The following SPOCK3 variants were observed in gnomAD, a reference collection of about 807,000 sequenced individuals.
SPOCK3 encodes the protein SPARC (osteonectin), cwcv and kazal like domains proteoglycan 3.
SPOCK3 carries 30 observed loss-of-function variants against 56.6 expected under a neutral mutation model. That is an observed-to-expected ratio of 0.53 (90% CI 0.40 to 0.72). SPOCK3 has a LOEUF of 0.72. Among genes scored for constraint, SPOCK3 ranks in the 30% least tolerant of loss-of-function variants. The pLI is 0.00. For missense variants in SPOCK3, 527 were observed against 530.0 expected, an observed-to-expected ratio of 0.99 and a Z score of 0.06; for synonymous variants, 196 against 183.3, an observed-to-expected ratio of 1.07 and a Z score of -0.56.
At chr4:166,964,672 C>T (rs572037231) in intron 4 of SPOCK3, among the ~76,000 whole-genome samples, 8 of 151,370 alleles carry the variant, frequency 5.3e-5, no homozygotes, top group African/African-American at 1.5e-4. Flanking sequence ...AGGGAAGGCA[C>T]GCAAATCTAC....
At chr4:167,050,971 T>C (rs545227289) in intron 3 of SPOCK3, among the ~76,000 whole-genome samples, 4 of 152,248 alleles carry the variant, frequency 2.6e-5, no homozygotes, top group Admixed American at 2.0e-4. Flanking sequence ...TAGTCATTAA[T>C]GGGAAGATGA....
chr4:166,742,738 T>A (rs1034684248), intron 8 of SPOCK3, among the ~76,000 whole-genome samples: 3 of 152,160 alleles, frequency 2.0e-5, no homozygotes, highest in African/African-American at 7.2e-5. Flanking sequence ...GCTGAAAACA[T>A]TTAAACCGAT....
chr4:166,984,155 A>C (rs1746885892), intron 4 of SPOCK3, among the ~76,000 whole-genome samples: 1 of 152,070 alleles, frequency 6.6e-6, no homozygotes, highest in Non-Finnish European at 1.5e-5. Context: ...TACTTCTTAT[A>C]AATTTAACAC....
chr4:166,998,593 C>T (rs557541317), intron 4 of SPOCK3, among the ~76,000 whole-genome samples: 3 of 152,238 alleles, frequency 2.0e-5, no homozygotes, highest in East Asian at 3.9e-4. Flanking sequence ...CAGTGTCCAG[C>T]AGGTGTCAAA....
At chr4:166,746,261 T>C (rs1735600126) in intron 8 of SPOCK3, among the ~76,000 whole-genome samples, 1 of 152,090 alleles carries the variant, frequency 6.6e-6, no homozygotes, top group South Asian at 2.1e-4. Context: ...AGCCAGCAAA[T>C]GTAAAAGAAC....
intron 4 of SPOCK3, among the ~76,000 whole-genome samples, chr4:166,972,570 C>T (rs1455794550): frequency 6.6e-6 from 1 of 152,106 alleles, no homozygotes; most frequent in Non-Finnish European, 1.5e-5. Flanking sequence ...TATTAAAACA[C>T]ATTAAAATGA....
chr4:167,188,159 G>A lies in SPOCK3; in HGVS notation c.189+45826C>T, dbSNP rs1022965122. Among the ~76,000 whole-genome samples the A allele has an allele frequency of 2.1e-5, 3 of 146,204 alleles. 1 individual carries two copies. In the Admixed American group the frequency reaches 2.1e-4, roughly 10 times the overall value. On this transcript the variant is annotated intron_variant, in intron 2 of 10. Transcript: ENST00000357545. ...GAATTTGAAGACTCATGCACGAAAGGTATATATGGCAGCAATCAAACCCGA... is the reference window on the plus strand; with the variant it reads ...GAATTTGAAGACTCATGCACGAAAGATATATATGGCAGCAATCAAACCCGA...
rs147353753 is a variant in SPOCK3, at chr4:167,194,386, G to T, written c.189+39599C>A. On this transcript the variant is annotated intron_variant, in intron 2 of 10. Coordinates refer to ENST00000357545, the MANE Select transcript of SPOCK3 (RefSeq NM_001040159.2). ...ATTGAGATGAAAGATTCTTTAAGAT[G>T]AATTTCTTTAAATCAGGCAGCTTAT... is the stretch of plus-strand genomic sequence containing the variant. Among the ~76,000 whole-genome samples, 1,301 of 152,226 alleles carry T rather than the reference G, an allele frequency of 8.5e-3. 16 individuals carry two copies. The highest frequency in any genetic ancestry group is 0.025 in the African/African-American group (1,049 of 41,532).
chr4:167,186,918 A>T (rs1370191617), intron 2 of SPOCK3, among the ~76,000 whole-genome samples: 1 of 147,760 alleles, frequency 6.8e-6, no homozygotes, highest in Non-Finnish European at 1.5e-5. Context: ...CAGAGGCTGC[A>T]GTGAGCCGAG....
intron 2 of SPOCK3, among the ~76,000 whole-genome samples, chr4:167,143,117 A>G (rs923656651): frequency 6.6e-6 from 1 of 152,058 alleles, no homozygotes; most frequent in African/African-American, 2.4e-5. Flanking sequence ...TCCTTTGAGC[A>G]CTATTCAAGT....
At chr4:166,944,083 G>A (rs1186857705) in intron 4 of SPOCK3, among the ~76,000 whole-genome samples, 2 of 152,140 alleles carry the variant, frequency 1.3e-5, no homozygotes, top group African/African-American at 4.8e-5. Context: ...GGAGGCGAAG[G>A]TTACAGTGAG....
intron 7 of SPOCK3, among the ~76,000 whole-genome samples, chr4:166,781,686 C>CACCA (rs1454784855): frequency 6.6e-6 from 1 of 151,822 alleles, no homozygotes; most frequent in East Asian, 1.9e-4. Context: ...ACAGAATAAA[C>CACCA]ACCAACCAAT....
At chr4:166,767,211 T>C (rs1412773231) in intron 7 of SPOCK3, among the ~76,000 whole-genome samples, 1 of 152,196 alleles carries the variant, frequency 6.6e-6, no homozygotes, top group Non-Finnish European at 1.5e-5. Flanking sequence ...TGATCTTAGT[T>C]ATTTCTTGCC....
chr4:167,210,355 G>A (rs1237749172), intron 2 of SPOCK3, among the ~76,000 whole-genome samples: 1 of 152,064 alleles, frequency 6.6e-6, no homozygotes, highest in Non-Finnish European at 1.5e-5. Flanking sequence ...GATGTAATTT[G>A]CATGTACTTA....
chr4:166,884,995 G>T (rs1734050598), intron 6 of SPOCK3, among the ~76,000 whole-genome samples: 1 of 151,652 alleles, frequency 6.6e-6, no homozygotes, highest in Non-Finnish European at 1.5e-5. Context: ...CCCAATAAAA[G>T]AAACCTCTAG....
At position 166,949,746 on chromosome 4, in the gene SPOCK3, C is replaced by T. The variant is rs375046438; in HGVS notation, c.351-37003G>A. Among the ~76,000 whole-genome samples, 5 of 151,988 alleles carry T rather than the reference C, an allele frequency of 3.3e-5. No homozygotes were observed. The East Asian group carries it at 9.7e-4, about 29-fold the overall frequency. On this transcript the variant is annotated intron_variant, in intron 4 of 10. Coordinates refer to ENST00000357545, the MANE Select transcript of SPOCK3 (RefSeq NM_001040159.2). The stretch of plus-strand genomic sequence containing the variant: ...CCGGCTGTGTGAAGTGTCAGTCTGC[C>T]CACTACAAGCCAGAAGAGAGTGGGG...
At chr4:166,948,753 T>G (rs1392971674) in intron 4 of SPOCK3, among the ~76,000 whole-genome samples, 1 of 152,146 alleles carries the variant, frequency 6.6e-6, no homozygotes, top group Non-Finnish European at 1.5e-5. Context: ...TAACCCGACC[T>G]TTCTCTCTGG....
intron 8 of SPOCK3, among the ~76,000 whole-genome samples, chr4:166,744,917 C>T (rs547786342): frequency 2.4e-4 from 37 of 151,476 alleles, no homozygotes; most frequent in Admixed American, 9.9e-4. Flanking sequence ...TGAAATGAAG[C>T]GAGAAGACAA....
chr4:167,116,598 A>ATATACTATATACGTATATAAATACG (rs1554038914), intron 2 of SPOCK3, among the ~76,000 whole-genome samples: 3 of 89,826 alleles, frequency 3.3e-5, no homozygotes, highest in African/African-American at 1.5e-4. Context: ...ATATATATAC[A>ATATACTATATACGTATATAAATACG]TATATACTAT....
Sources: gnomAD v4.1 joint callset for allele counts (sites outside exome capture counted in the v4.1 genomes callset) on GRCh38, gnomAD v4.1.1 for gene constraint, MANE v1.5 for transcripts, NCBI Gene and HGNC (gene_info 2026-07-23, HGNC 2026-07-21) for gene names.